Variants in NXPH2 observed in about 807,000 individuals in gnomAD.
NXPH2 encodes neurexophilin 2.
A neutral mutation model predicts 19.8 loss-of-function variants in NXPH2; 5 were observed. That is an observed-to-expected ratio of 0.25 (90% CI 0.13 to 0.53). NXPH2 has a LOEUF of 0.53. Ranked by LOEUF, NXPH2 falls within the 20% of genes least tolerant of loss-of-function variation. The pLI, the probability that NXPH2 is intolerant of heterozygous loss-of-function variation, is 0.96. For missense variants in NXPH2, 289 were observed against 322.8 expected, an observed-to-expected ratio of 0.90 and a Z score of 0.80; for synonymous variants, 154 against 127.4, an observed-to-expected ratio of 1.21 and a Z score of -1.41.
intron 1 of NXPH2, among the ~76,000 whole-genome samples, chr2:138,748,946 G>A (rs1681784701): frequency 6.6e-6 from 1 of 152,144 alleles, no homozygotes; most frequent in Admixed American, 6.6e-5. Flanking sequence ...TTTCACTACT[G>A]CTCTTACCAA....
At chr2:138,754,016 T>G (rs1222677623) in intron 1 of NXPH2, among the ~76,000 whole-genome samples, 1 of 152,156 alleles carries the variant, frequency 6.6e-6, no homozygotes, top group Admixed American at 6.6e-5. Context: ...GTTTGTTTTT[T>G]GAGGTGGGAT....
Position 138,714,584 on chromosome 2 carries a change from T to C in NXPH2, c.52-42919A>G, listed in dbSNP as rs114059077. Among the ~76,000 whole-genome samples the C allele has an allele frequency of 2.9e-3, 443 of 152,240 alleles. 1 individual carries two copies. The highest frequency in any genetic ancestry group is 0.01 in the African/African-American group (418 of 41,532). On this transcript the variant is annotated intron_variant, in intron 1 of 1. Transcript: ENST00000272641. ...CAGGAAGCAGGCAGACTGTGTTCGC[T>C]TCCCTACAAATTGGAAATAACACAC...
chr2:138,675,614 C>A (rs1456901259), intron 1 of NXPH2, among the ~76,000 whole-genome samples: 1 of 151,928 alleles, frequency 6.6e-6, no homozygotes, highest in Admixed American at 6.6e-5. Context: ...GAACATGAAC[C>A]AAATATATGT....
chr2:138,684,168 AGCCT>A (rs1680615562), intron 1 of NXPH2, among the ~76,000 whole-genome samples: 1 of 152,198 alleles, frequency 6.6e-6, no homozygotes, highest in African/African-American at 2.4e-5. Flanking sequence ...GGCAGGAAAT[AGCCT>A]TAGAGAGGTT....
At chr2:138,745,689 T>A (rs182251149) in intron 1 of NXPH2, among the ~76,000 whole-genome samples, 4 of 152,236 alleles carry the variant, frequency 2.6e-5, no homozygotes, top group Admixed American at 2.6e-4. Context: ...AGACATTATG[T>A]TTTAAAATGG....
At chr2:138,730,952 C>T (rs1218144886) in intron 1 of NXPH2, among the ~76,000 whole-genome samples, 1 of 152,122 alleles carries the variant, frequency 6.6e-6, no homozygotes, top group African/African-American at 2.4e-5. Context: ...TATCCTCTTC[C>T]CATGCCCTTT....
chr2:138,688,926 A>G (rs1167180335), intron 1 of NXPH2, among the ~76,000 whole-genome samples: 1 of 152,136 alleles, frequency 6.6e-6, no homozygotes, highest in African/African-American at 2.4e-5. Flanking sequence ...ACATAGGGAC[A>G]TTTTCTTATT....
intron 1 of NXPH2, among the ~76,000 whole-genome samples, chr2:138,699,666 T>C (rs1680888655): frequency 6.6e-6 from 1 of 152,114 alleles, no homozygotes; most frequent in Non-Finnish European, 1.5e-5. Context: ...GCCAGGCTTC[T>C]GAGAAGGATG....
chr2:138,689,322 C>T (rs1573954918), intron 1 of NXPH2, among the ~76,000 whole-genome samples: 3 of 152,188 alleles, frequency 2.0e-5, no homozygotes, highest in Admixed American at 2.0e-4. Context: ...ATCTCAGACT[C>T]CTGGCCCCAG....
At chr2:138,749,792 T>C (rs905455346) in intron 1 of NXPH2, among the ~76,000 whole-genome samples, 1 of 152,212 alleles carries the variant, frequency 6.6e-6, no homozygotes, top group Non-Finnish European at 1.5e-5. Flanking sequence ...CTAGATTTTG[T>C]TCTTTGTAAG....
At chr2:138,763,013 A>G (rs1426539776) in intron 1 of NXPH2, among the ~76,000 whole-genome samples, 1 of 152,254 alleles carries the variant, frequency 6.6e-6, no homozygotes, top group African/African-American at 2.4e-5. Context: ...GATGACTGCT[A>G]AAATCATATC....
At chr2:138,755,662 G>A (rs1681895879) in intron 1 of NXPH2, among the ~76,000 whole-genome samples, 1 of 151,990 alleles carries the variant, frequency 6.6e-6, no homozygotes, top group Admixed American at 6.6e-5. Flanking sequence ...CTAGGTATTG[G>A]ACTTTCTATA....
chr2:138,747,641 AT>A (rs1417658956), intron 1 of NXPH2, among the ~76,000 whole-genome samples: 2 of 152,150 alleles, frequency 1.3e-5, no homozygotes, highest in Non-Finnish European at 1.5e-5. Context: ...AAGTCTCACC[AT>A]GCATACGTGG....
At chr2:138,779,890 G>C (rs1488302449) in intron 1 of NXPH2, among the ~76,000 whole-genome samples, 1 of 152,060 alleles carries the variant, frequency 6.6e-6, no homozygotes, top group Non-Finnish European at 1.5e-5. Flanking sequence ...CTCCTTGACC[G>C]CTTATCAATA....
intron 1 of NXPH2, among the ~76,000 whole-genome samples, chr2:138,733,186 C>T (rs951679468): frequency 1.3e-5 from 2 of 152,152 alleles, no homozygotes; most frequent in Admixed American, 1.3e-4. Flanking sequence ...GGAGAAATTC[C>T]CTTGAAGCTG....
chr2:138,743,794 G>A (rs1364423218), intron 1 of NXPH2, among the ~76,000 whole-genome samples: 1 of 152,072 alleles, frequency 6.6e-6, no homozygotes, highest in East Asian at 1.9e-4. Flanking sequence ...CCTGAGGTTA[G>A]GAGTTCAAGA....
intron 1 of NXPH2, among the ~76,000 whole-genome samples, chr2:138,728,168 CT>C (rs1681388288): frequency 6.6e-6 from 1 of 152,062 alleles, no homozygotes; most frequent in Admixed American, 6.6e-5. Context: ...CTCTCTCTCT[CT>C]CTCTCTCTCT....
intron 1 of NXPH2, among the ~76,000 whole-genome samples, chr2:138,771,148 A>T (rs990899329): frequency 6.6e-6 from 1 of 152,140 alleles, no homozygotes; most frequent in Non-Finnish European, 1.5e-5. Context: ...TGTTACAGGT[A>T]TACTTACAAC....
intron 1 of NXPH2, among the ~76,000 whole-genome samples, chr2:138,698,861 A>G (rs1456196525): frequency 6.6e-6 from 1 of 152,168 alleles, no homozygotes; most frequent in East Asian, 1.9e-4. Context: ...CTCTAAAGTA[A>G]ATAAAGAAAG....
Sources: allele counts gnomAD v4.1 joint callset (sites outside exome capture counted in the v4.1 genomes callset), GRCh38; gene constraint gnomAD v4.1.1; transcripts MANE v1.5; gene names NCBI Gene and HGNC (gene_info 2026-07-23, HGNC 2026-07-21).